The following CRYBG3 variants were observed in gnomAD, a reference collection of about 807,000 sequenced individuals.
The protein encoded by CRYBG3 is crystallin beta-gamma domain containing 3.
A neutral mutation model predicts 244.2 loss-of-function variants in CRYBG3; 127 were observed. The observed-to-expected ratio is 0.52, with a 90% confidence interval of 0.45 to 0.60. CRYBG3 has a LOEUF of 0.60. CRYBG3 is among the 20% of genes least tolerant of loss of function. CRYBG3 has a pLI of 0.00. For missense variants in CRYBG3, 3,325 were observed against 3,442.5 expected (o/e 0.97, Z 0.85); for synonymous variants, 1,132 against 1,195.8 (o/e 0.95, Z 1.10).
At chr3:97,934,971 A>T (rs1031757177) in intron 18 of CRYBG3, among the ~76,000 whole-genome samples, 5 of 151,778 alleles carry the variant, frequency 3.3e-5, no homozygotes, top group African/African-American at 7.3e-5. Flanking sequence ...TGACATTCTT[A>T]TTTCTTCTCT....
At chr3:97,891,452 G>A (rs543559173) in intron 10 of CRYBG3, among the ~76,000 whole-genome samples, 2 of 152,142 alleles carry the variant, frequency 1.3e-5, no homozygotes, top group East Asian at 1.9e-4. Flanking sequence ...TATACTGTAA[G>A]TATACATGAG....
intron 20 of CRYBG3, chr3:97,941,871 T>TA (rs2040237866): frequency 6.5e-6 from 1 of 154,516 alleles, no homozygotes; most frequent in African/African-American, 2.4e-5. Flanking sequence ...CTTTTTCTCA[T>TA]GCTTCAAAAA....
chr3:97,886,605 A>G, intron 7 of CRYBG3, 26 bp from the exon 8 acceptor site: 1 of 1,585,208 alleles, frequency 6.3e-7, no homozygotes, highest in Non-Finnish European at 8.6e-7. Context: ...AGTTGATTTC[A>G]AAGCCAAATT....
intron 15 of CRYBG3, among the ~76,000 whole-genome samples, chr3:97,907,123 T>C (rs956270595): frequency 6.6e-6 from 1 of 152,204 alleles, no homozygotes; most frequent in Non-Finnish European, 1.5e-5. Flanking sequence ...ATAATCTTTT[T>C]GATGTGCTGC....
intron 10 of CRYBG3, among the ~76,000 whole-genome samples, chr3:97,889,873 A>C (rs943692501): frequency 6.6e-6 from 1 of 152,186 alleles, no homozygotes; most frequent in Non-Finnish European, 1.5e-5. Context: ...AATGGGTAGC[A>C]GTGGTGCCAG....
intron 15 of CRYBG3, among the ~76,000 whole-genome samples, chr3:97,904,457 C>CA (rs2039741045): frequency 6.6e-6 from 1 of 151,944 alleles, no homozygotes; most frequent in Admixed American, 6.6e-5. Flanking sequence ...AAGACTGAGA[C>CA]AAAAAACTGG....
intron 19 of CRYBG3, 103 bp from the exon 20 acceptor site, chr3:97,941,045 T>C: frequency 2.3e-6 from 2 of 884,742 alleles, no homozygotes; most frequent in East Asian, 2.5e-5. Flanking sequence ...CTGATATAAC[T>C]AAGATAGTTA....
chr3:97,925,792 T>A (rs1477785384), intron 17 of CRYBG3, among the ~76,000 whole-genome samples: 2 of 152,058 alleles, frequency 1.3e-5, no homozygotes, highest in African/African-American at 4.8e-5. Context: ...AATGTAATAC[T>A]TCTGGGTTTT....
intron 21 of CRYBG3, chr3:97,942,906 G>C (rs2040263569): frequency 3.6e-6 from 1 of 275,694 alleles, no homozygotes; most frequent in South Asian, 6.5e-5. Flanking sequence ...AGTTTTGTTG[G>C]TGTAGAAACA....
At chr3:97,888,305 C>T in intron 8 of CRYBG3, 36 bp from the exon 9 acceptor site, 1 of 1,275,292 alleles carries the variant, frequency 7.8e-7, no homozygotes, top group South Asian at 1.2e-5. Flanking sequence ...TAAAGCAGTA[C>T]TATTATACTT....
At chr3:97,914,160 T>A (rs1479344032) in intron 16 of CRYBG3, among the ~76,000 whole-genome samples, 6 of 152,154 alleles carry the variant, frequency 3.9e-5, no homozygotes, top group Non-Finnish European at 2.9e-5. Context: ...TGTATTTGTT[T>A]TTGTTTATAT....
At chr3:97,925,840 A>G (rs1299082206) in intron 17 of CRYBG3, among the ~76,000 whole-genome samples, 1 of 150,396 alleles carries the variant, frequency 6.6e-6, no homozygotes, top group African/African-American at 2.4e-5. Flanking sequence ...TTTAAAATGT[A>G]TCATAATTTT....
At chr3:97,933,626 G>A in intron 17 of CRYBG3, 68 bp from the exon 18 acceptor site, 1 of 1,494,652 alleles carries the variant, frequency 6.7e-7, no homozygotes, top group Non-Finnish European at 9.3e-7. Context: ...AGGGTACCCT[G>A]TGTTCAGACT....
rs831870 is a variant in CRYBG3 at position 97,923,993 on chromosome 3, G to A, written c.8241+8257G>A. ...TGGAAAAGCTATTGGGTCAAAAATC[G>A]CCAAGATAATTTTTAAGAACAACAT... is the stretch of plus-strand genomic sequence containing the variant. On this transcript the variant is annotated intron_variant, in intron 17 of 21. Transcript: ENST00000389622. 2.5e-3 allele frequency among the ~76,000 whole-genome samples: 383 copies of A among 152,108 alleles called. 3 individuals carry two copies. Among genetic ancestry groups the A allele is most frequent in the East Asian group, 0.025 (129 of 5,162 alleles).
At chr3:97,900,597 G>A in intron 15 of CRYBG3, 112 bp downstream of exon 15, 1 of 686,358 alleles carries the variant, frequency 1.5e-6, no homozygotes, top group Non-Finnish European at 2.6e-6. Flanking sequence ...CTCTCTGGCA[G>A]AGCAGATTAC....
intron 7 of CRYBG3, among the ~76,000 whole-genome samples, chr3:97,884,940 T>A (rs997065345): frequency 6.6e-6 from 1 of 152,182 alleles, no homozygotes; most frequent in African/African-American, 2.4e-5. Flanking sequence ...ACATTGTTTG[T>A]ACAACACAAT....
intron 1 of CRYBG3, among the ~76,000 whole-genome samples, chr3:97,841,556 T>G (rs1559715277): frequency 6.6e-6 from 1 of 152,092 alleles, no homozygotes; most frequent in Non-Finnish European, 1.5e-5. Context: ...ACATAGACTT[T>G]TATGGATAGA....
intron 17 of CRYBG3, among the ~76,000 whole-genome samples, chr3:97,932,767 T>G (rs2040112062): frequency 6.6e-6 from 1 of 152,056 alleles, no homozygotes; most frequent in Admixed American, 6.6e-5. Flanking sequence ...TTGGGCTGAT[T>G]TGCCGTTCCC....
intron 1 of CRYBG3, among the ~76,000 whole-genome samples, chr3:97,841,516 C>G (rs545700707): frequency 1.3e-5 from 2 of 151,856 alleles, no homozygotes; most frequent in Non-Finnish European, 2.9e-5. Context: ...TTGACCATGA[C>G]CATTTGTTTC....
Sources: allele counts gnomAD v4.1 joint callset (sites outside exome capture counted in the v4.1 genomes callset), GRCh38; gene constraint gnomAD v4.1.1; transcripts MANE v1.5; gene names NCBI Gene and HGNC (gene_info 2026-07-23, HGNC 2026-07-21).